RBBP9: variants seen among roughly 807,000 people sequenced by gnomAD.
RBBP9 encodes the protein serine hydrolase RBBP9.
In RBBP9, 20 loss-of-function variants were observed where a neutral mutation model predicts 24.2. The ratio of observed to expected loss-of-function variants is 0.83; its 90% CI spans 0.58 to 1.20. The LOEUF (loss-of-function observed/expected upper bound fraction) is 1.20. RBBP9 is among the 50% of genes most tolerant of loss of function. The probability of loss-of-function intolerance (pLI) is 0.00; values close to 1 mark genes in which losing one functional copy is unlikely to be tolerated. For missense variants in RBBP9, 234 were observed against 233.6 expected, an observed-to-expected ratio of 1.00 and a Z score of -0.01; for synonymous variants, 74 against 84.6, an observed-to-expected ratio of 0.87 and a Z score of 0.69.
rs2059858065 is a variant in RBBP9, at chr20:18,489,867, A to C, written c.458T>G (p.Leu153Trp). ...WKEQQEVADR[L>W]ETKLHKFTDC... is the part of the protein sequence containing the mutation. The stretch of plus-strand genomic sequence containing the variant: ...AGTGAATTTGTGCAATTTGGTTTCC[A>C]ACCTATCGGCCACTTCTTGTTGTTC... The change falls in exon 5 of 5, where the codon TTG becomes TGG. Residue 153 changes from leucine to tryptophan, a missense_variant. By Grantham distance (61) the Leu-to-Trp change is moderately conservative (BLOSUM62 -2). Transcript: ENST00000337227. The C allele has an allele frequency of 6.2e-7, 1 of 1,614,106 alleles. No homozygotes were observed. The highest frequency in any genetic ancestry group is 8.5e-7 in the Non-Finnish European group (1 of 1,179,966).
chr20:18,488,695 A>G lies in RBBP9; in HGVS notation c.*1069T>C, dbSNP rs1315945025. On this transcript the variant is annotated 3_prime_UTR_variant, in exon 5 of 5. Coordinates refer to ENST00000337227, the MANE Select transcript of RBBP9 (RefSeq NM_006606.3). ...CACGAAGTATGGAAAGGTTCTTTTT[A>G]AAAACACTTGTCTTTTGGAACAAAA... is the stretch of plus-strand genomic sequence containing the variant. 1 of 152,260 alleles carries G rather than the reference A, an allele frequency of 6.6e-6. No individual in the cohort carries two copies. Among genetic ancestry groups the G allele is most frequent in the East Asian group, 1.9e-4 (1 of 5,202 alleles). The allele number at this position is 152,260 out of a possible 1,614,324, so 9.4% of individuals were successfully genotyped here.
At chr20:18,495,934 T>C in intron 1 of RBBP9, 54 bp from the exon 2 acceptor site, 1 of 1,361,638 alleles carries the variant, frequency 7.3e-7, no homozygotes, top group Non-Finnish European at 1.0e-6. Flanking sequence ...TTACAACTAA[T>C]ACTTTGCTAA....
At chr20:18,490,069 C>A in intron 4 of RBBP9, 79 bp from the exon 5 acceptor site, 1 of 1,032,822 alleles carries the variant, frequency 9.7e-7, no homozygotes, top group Admixed American at 2.6e-5. Context: ...TACTGGCGAC[C>A]CACATAGAGA....
intron 3 of RBBP9, 52 bp from the exon 4 acceptor site, chr20:18,490,532 C>G: frequency 7.4e-7 from 1 of 1,353,556 alleles, no homozygotes; most frequent in Non-Finnish European, 1.1e-6. Context: ...CTCTGATCAC[C>G]AAAAAGTCAA....
chr20:18,493,290 C>A (rs144307168), intron 3 of RBBP9, among the ~76,000 whole-genome samples: 1,854 of 152,300 alleles, frequency 0.012, 12 homozygotes, highest in Non-Finnish European at 0.015. Flanking sequence ...ACTGCAGACA[C>A]AATCTACCAT....
intron 4 of RBBP9, 33 bp downstream of exon 4, chr20:18,490,362 G>T: frequency 6.5e-7 from 1 of 1,542,288 alleles, no homozygotes; most frequent in Non-Finnish European, 9.0e-7. Context: ...GTCTAGAGAA[G>T]GGCTTTGCTC....
chr20:18,493,978 A>G lies in RBBP9; in HGVS notation c.228T>C (p.Ser76=). The change falls in exon 3 of 5, where the codon TCT becomes TCC. Residue 76 remains serine (S), a synonymous_variant. Coordinates refer to ENST00000337227, the MANE Select transcript of RBBP9 (RefSeq NM_006606.3). ...CGCACCTCATGGCCGCGATGGCCCC[A>G]GAACTGTGGCCAATGATGATAGTCT... ...DEKTIIIGHS[S]GAIAAMRYAE... is the part of the protein sequence containing the mutation. 1 of 1,612,984 alleles carries G rather than the reference A, an allele frequency of 6.2e-7. No homozygotes were observed. The highest frequency in any genetic ancestry group is 8.5e-7 in the Non-Finnish European group (1 of 1,179,638).
In RBBP9 at chr20:18,487,650, G is replaced by A. The variant is rs1220682055; in HGVS notation, c.*2114C>T. 6.6e-6 allele frequency: 1 copy of A among 152,058 alleles called. No individual in the cohort carries two copies. The highest frequency in any genetic ancestry group is 1.5e-5 in the Non-Finnish European group (1 of 68,004). The allele number at this position is 152,058 out of a possible 1,614,324, so 9.4% of individuals were successfully genotyped here. On this transcript the variant is annotated 3_prime_UTR_variant, in exon 5 of 5. Transcript: ENST00000337227. ...TAGTGTAACAAATTCAAATAATCAG[G>A]AGGATAAAGTAAAATAAGGGGCCGG...
rs780822033 is a variant in RBBP9 at position 18,490,006 on chromosome 20, AATG to A, written c.335-19_335-17del. On this transcript the variant is annotated splice_polypyrimidine_tract_variant and intron_variant, in intron 4 of 4. Transcript: ENST00000337227. ...GTGAAGTATCCTATGGGGAAAAAAA[AATG>A]ATCTTTCAGTACCCATGGATAATCT... The A allele has an allele frequency of 3.2e-6, 5 of 1,561,778 alleles. No homozygotes were observed. Among genetic ancestry groups the A allele is most frequent in the Non-Finnish European group, 4.4e-6 (5 of 1,139,782 alleles).
intron 4 of RBBP9, among the ~76,000 whole-genome samples, 175 bp downstream of exon 4, chr20:18,490,220 A>G (rs922191065): frequency 5.3e-5 from 8 of 152,186 alleles, no homozygotes; most frequent in Admixed American, 4.6e-4. Flanking sequence ...TTCTAGACTT[A>G]CAGCTTGGGA....
chr20:18,493,039 A>G (rs1407080000), intron 3 of RBBP9, among the ~76,000 whole-genome samples: 1 of 152,238 alleles, frequency 6.6e-6, no homozygotes, highest in Non-Finnish European at 1.5e-5. Flanking sequence ...ATTCCCTGAC[A>G]TGCAATTCAT....
chr20:18,489,109 A>G lies in RBBP9; in HGVS notation c.*655T>C, dbSNP rs1446933328. 6.6e-6 allele frequency: 1 copy of G among 152,146 alleles called. No individual in the cohort carries two copies. Among genetic ancestry groups the G allele is most frequent in the Non-Finnish European group, 1.5e-5 (1 of 68,012 alleles). 9.4% of individuals were successfully genotyped at this position (152,146 alleles called of 1,614,324 possible). On this transcript the variant is annotated 3_prime_UTR_variant, in exon 5 of 5. Transcript: ENST00000337227. ...AATTTAGACAGGCCATGAGCTCTCC[A>G]CATGGCTCTGATCCCACCACTCTTG... is the stretch of plus-strand genomic sequence containing the variant.
intron 1 of RBBP9, 142 bp from the exon 2 acceptor site, chr20:18,496,022 C>A: frequency 1.4e-6 from 1 of 696,922 alleles, no homozygotes; most frequent in Non-Finnish European, 2.4e-6. Context: ...GTTAAGTGAC[C>A]ATCTTTTCGC....
rs148331508 is a variant in RBBP9, at chr20:18,490,435, C to G, written c.294G>C (p.Ala98=). ...HRVYAIVLVS[A]YTSDLGDENE... Reference sequence around the variant, plus strand: ...TTTCATCCCCCAAGTCTGATGTGTACGCAGACACTAATACAATAGCATATA... The same window carrying G: ...TTTCATCCCCCAAGTCTGATGTGTAGGCAGACACTAATACAATAGCATATA... The change falls in exon 4 of 5, where the codon GCG becomes GCC. Residue 98 remains alanine (A), a synonymous_variant. Transcript: ENST00000337227. 1.9e-6 allele frequency: 3 copies of G among 1,613,616 alleles called. No individual in the cohort carries two copies. In the African/African-American group the frequency reaches 4.0e-5, roughly 22 times the overall value.
At chr20:18,497,022 C>T in intron 1 of RBBP9, 47 bp downstream of exon 1, 1 of 1,514,848 alleles carries the variant, frequency 6.6e-7, no homozygotes, top group Non-Finnish European at 9.2e-7. Context: ...CTCCCGCCGT[C>T]CCTCCCTCCA....
intron 3 of RBBP9, among the ~76,000 whole-genome samples, chr20:18,492,096 CAAAAAAAAAA>C (rs71194242): frequency 1.1e-4 from 8 of 70,064 alleles, no homozygotes; most frequent in African/African-American, 3.9e-4. Flanking sequence ...GGCTCTGTCT[CAAAAAAAAAA>C]AAAAAAAAAA....
intron 3 of RBBP9, 79 bp downstream of exon 3, chr20:18,493,879 T>C: frequency 8.9e-7 from 1 of 1,120,404 alleles, no homozygotes; most frequent in Non-Finnish European, 1.3e-6. Context: ...CAACAGAAAT[T>C]TAAGATATAC....
chr20:18,492,253 T>C (rs2148873689), intron 3 of RBBP9, among the ~76,000 whole-genome samples: 1 of 152,296 alleles, frequency 6.6e-6, no homozygotes, highest in South Asian at 2.1e-4. Flanking sequence ...AGCAATATTA[T>C]CTGTATTCAT....
In RBBP9 at chr20:18,494,015, T is replaced by C. The variant is rs779450369; in HGVS notation, c.191A>G (p.His64Arg). The change falls in exon 3 of 5, where the codon CAC (histidine) becomes CGC (arginine). Residue 64 changes from histidine to arginine, a missense_variant. Transcript: ENST00000337227. ...IWLPFMETEL[H>R]CDEKTIIIGH... is the part of the protein sequence containing the mutation. ...AATGATGATAGTCTTCTCATCACAG[T>C]GCAGCTCTGTCTCCATGAAGGGCAG... 26 of 1,613,700 alleles carry C rather than the reference T, an allele frequency of 1.6e-5. No homozygotes were observed. The highest frequency in any genetic ancestry group is 2.0e-5 in the Non-Finnish European group (24 of 1,179,958).
Sources: gnomAD v4.1 joint callset for allele counts (sites outside exome capture counted in the v4.1 genomes callset) on GRCh38, gnomAD v4.1.1 for gene constraint, MANE v1.5 for transcripts, NCBI Gene and HGNC (gene_info 2026-07-23, HGNC 2026-07-21) for gene names.